FAAH2: variants seen among roughly 807,000 people sequenced by gnomAD.
FAAH2 encodes fatty acid amide hydrolase 2.
In FAAH2, 60 loss-of-function variants were observed where a neutral mutation model predicts 36.9. The observed-to-expected ratio is 1.63, with a 90% CI of 1.32 to 2.02. The LOEUF (loss-of-function observed/expected upper bound fraction) is 2.02. Ranked by LOEUF, FAAH2 falls within the 30% of genes most tolerant of loss-of-function variation. The probability of loss-of-function intolerance (pLI) is 0.00; values close to 1 mark genes in which losing one functional copy is unlikely to be tolerated. For synonymous variants in FAAH2, 214 were observed against 143.8 expected, an observed-to-expected ratio of 1.49 and a Z score of -3.49; for missense variants, 689 against 397.5, an observed-to-expected ratio of 1.73 and a Z score of -6.23.
the FAAH2 span, among the ~76,000 whole-genome samples, chrX:57,275,704 C>T: frequency 9.2e-6 from 1 of 108,412 alleles, no homozygotes; most frequent in African/African-American, 3.5e-5. Context: ...CACAGATAGG[C>T]TCAAAATAAA....
chrX:57,309,507 G>T (rs780453058), intron 2 of FAAH2, among the ~76,000 whole-genome samples: 27 of 111,427 alleles, frequency 2.4e-4, no homozygotes, highest in African/African-American at 8.5e-4. Flanking sequence ...GGATGTGCAG[G>T]TTTGTTACAA....
the FAAH2 span, among the ~76,000 whole-genome samples, chrX:57,241,198 A>T: frequency 6.2e-5 from 7 of 112,270 alleles, no homozygotes; most frequent in African/African-American, 2.3e-4. Context: ...GCAAAAATTA[A>T]ATCAAGATGG....
At chrX:57,442,079 T>C (rs956393237) in intron 8 of FAAH2, among the ~76,000 whole-genome samples, 2 of 111,826 alleles carry the variant, frequency 1.8e-5, no homozygotes, top group African/African-American at 6.5e-5. Context: ...GAATAATGTA[T>C]ATTCTGTTGA....
At chrX:57,219,026 T>A in the FAAH2 span, among the ~76,000 whole-genome samples, 2 of 111,740 alleles carry the variant, frequency 1.8e-5, no homozygotes, top group African/African-American at 6.5e-5. Context: ...GTCAGCAGTG[T>A]GTGCGGCAGC....
chrX:57,349,695 A>T (rs1340695370), intron 5 of FAAH2, among the ~76,000 whole-genome samples: 1 of 109,164 alleles, frequency 9.2e-6, no homozygotes, highest in Non-Finnish European at 1.9e-5. Flanking sequence ...CTTTTGAAAT[A>T]ATTCTTTTGG....
chrX:57,169,496 GTATATATATATATATATATATATA>G, the FAAH2 span, among the ~76,000 whole-genome samples: 7 of 36,088 alleles, frequency 1.9e-4, no homozygotes, highest in Non-Finnish European at 2.7e-4. Context: ...TCAAACACCA[GTATATATATATATATATATATATA>G]TATATATATA....
At chrX:57,372,657 A>G (rs1404446830) in intron 5 of FAAH2, among the ~76,000 whole-genome samples, 1 of 111,505 alleles carries the variant, frequency 9.0e-6, no homozygotes, top group African/African-American at 3.3e-5. Flanking sequence ...TAACTAATTA[A>G]TTAGTTTTAT....
the FAAH2 span, among the ~76,000 whole-genome samples, chrX:57,255,263 C>T: frequency 2.7e-5 from 3 of 111,649 alleles, no homozygotes; most frequent in African/African-American, 6.5e-5. Flanking sequence ...ATAACAGGTT[C>T]TGGCATTGAG....
intron 3 of FAAH2, among the ~76,000 whole-genome samples, chrX:57,315,406 A>G (rs908003261): frequency 9.0e-6 from 1 of 111,610 alleles, no homozygotes; most frequent in South Asian, 3.7e-4. Context: ...AACTCATTCT[A>G]TATAAAGCTA....
chrX:57,344,985 T>A (rs2053781988), intron 5 of FAAH2, among the ~76,000 whole-genome samples: 1 of 111,197 alleles, frequency 9.0e-6, no homozygotes, highest in African/African-American at 3.3e-5. Flanking sequence ...GAAATAAGTT[T>A]GCTAGTATTT....
chrX:57,353,828 G>T (rs745794303), intron 5 of FAAH2, among the ~76,000 whole-genome samples: 8 of 110,836 alleles, frequency 7.2e-5, no homozygotes, highest in Non-Finnish European at 1.5e-4. Context: ...TATACAAATG[G>T]CCAATATGTA....
chrX:57,216,562 ATACG>A, the FAAH2 span, among the ~76,000 whole-genome samples: 1 of 36,802 alleles, frequency 2.7e-5, no homozygotes, highest in African/African-American at 2.6e-4. Flanking sequence ...ATATATATAT[ATACG>A]TATATGTATA....
the FAAH2 span, among the ~76,000 whole-genome samples, chrX:57,210,044 G>A: frequency 9.0e-6 from 1 of 110,655 alleles, no homozygotes; most frequent in Non-Finnish European, 1.9e-5. Context: ...CCTGCCAGGG[G>A]TGAGGGATGG....
chrX:57,348,259 TACC>T (rs1160491364), intron 5 of FAAH2, among the ~76,000 whole-genome samples: 1 of 110,350 alleles, frequency 9.1e-6, no homozygotes, highest in African/African-American at 3.3e-5. Context: ...ACCCTGCAAC[TACC>T]ACGTCAACTG....
At chrX:57,361,047 GTACCACATTTTCTT>G (rs1451268358) in intron 5 of FAAH2, among the ~76,000 whole-genome samples, 1 of 111,208 alleles carries the variant, frequency 9.0e-6, no homozygotes, top group Admixed American at 9.6e-5. Context: ...TGGTGTATAT[GTACCACATTTTCTT>G]TATCCAGTCT....
chrX:57,433,333 A>C (rs773495608), intron 8 of FAAH2, among the ~76,000 whole-genome samples: 1 of 111,503 alleles, frequency 9.0e-6, no homozygotes, highest in South Asian at 3.8e-4. Flanking sequence ...TTATGATGCC[A>C]GATTTAGAGC....
At chrX:57,166,751 C>T in the FAAH2 span, among the ~76,000 whole-genome samples, 2 of 111,763 alleles carry the variant, frequency 1.8e-5, no homozygotes, top group Non-Finnish European at 3.8e-5. Flanking sequence ...TTATCATCAC[C>T]CTATCATATC....
chrX:57,336,330 CA>C (rs200429338), intron 4 of FAAH2, among the ~76,000 whole-genome samples: 6,403 of 110,288 alleles, frequency 0.058, 228 homozygotes, highest in Admixed American at 0.088. Flanking sequence ...AAAATGGCCC[CA>C]CCCCTATCTC....
intron 10 of FAAH2, among the ~76,000 whole-genome samples, chrX:57,475,661 G>T (rs773275270): frequency 8.9e-6 from 1 of 111,739 alleles, no homozygotes; most frequent in Non-Finnish European, 1.9e-5. Flanking sequence ...GCTTAGGATT[G>T]CCGTAGCTAA....
Sources: gnomAD v4.1 joint callset for allele counts (sites outside exome capture counted in the v4.1 genomes callset) on GRCh38, gnomAD v4.1.1 for gene constraint, MANE v1.5 for transcripts, NCBI Gene and HGNC (gene_info 2026-07-23, HGNC 2026-07-21) for gene names.